Variants in RASAL2 observed in about 807,000 individuals in gnomAD.
RASAL2 encodes RAS protein activator like 2.
RASAL2 carries 58 observed loss-of-function variants against 128.9 expected under a neutral mutation model. The ratio of observed to expected loss-of-function variants is 0.45; its 90% CI spans 0.36 to 0.56. The LOEUF (loss-of-function observed/expected upper bound fraction) is 0.56, where lower values mean the gene tolerates loss of function less well. Among genes scored for constraint, RASAL2 ranks in the 20% least tolerant of loss-of-function variants. The pLI, the probability that RASAL2 is intolerant of heterozygous loss-of-function variation, is 0.00. For synonymous variants in RASAL2, 561 were observed against 580.8 expected, an observed-to-expected ratio of 0.97 and a Z score of 0.49; for missense variants, 1,360 against 1,601.6, an observed-to-expected ratio of 0.85 and a Z score of 2.57.
intron 1 of RASAL2, among the ~76,000 whole-genome samples, chr1:178,247,000 T>C (rs532110990): frequency 2.2e-4 from 33 of 152,356 alleles, no homozygotes; most frequent in Admixed American, 2.0e-3. Flanking sequence ...ACATCGATGT[T>C]CATCAGGGAT....
intron 1 of RASAL2, among the ~76,000 whole-genome samples, chr1:178,102,562 A>G (rs1421080767): frequency 6.6e-6 from 1 of 152,106 alleles, no homozygotes; most frequent in Non-Finnish European, 1.5e-5. Flanking sequence ...GTTTTATTCC[A>G]GTCTTTTTTG....
intron 1 of RASAL2, among the ~76,000 whole-genome samples, chr1:178,164,410 G>T (rs1013038837): frequency 2.0e-5 from 3 of 151,818 alleles, no homozygotes; most frequent in Admixed American, 6.6e-5. Context: ...AATGGAACAG[G>T]CCCAAAATCT....
intron 1 of RASAL2, among the ~76,000 whole-genome samples, chr1:178,167,101 A>G (rs1334908307): frequency 1.3e-5 from 2 of 152,134 alleles, no homozygotes; most frequent in African/African-American, 4.8e-5. Context: ...CTCCTGTAAC[A>G]AGATCTGGCA....
chr1:178,390,519 C>G (rs1034310129), intron 4 of RASAL2, among the ~76,000 whole-genome samples: 1 of 152,112 alleles, frequency 6.6e-6, no homozygotes, highest in Non-Finnish European at 1.5e-5. Context: ...GCTGGAATTA[C>G]AGGCGCATAC....
chr1:178,131,091 A>C (rs1332657425), intron 1 of RASAL2, among the ~76,000 whole-genome samples: 1 of 150,424 alleles, frequency 6.6e-6, no homozygotes. Context: ...AAACCAAAAA[A>C]AAACATGTGT....
intron 3 of RASAL2, among the ~76,000 whole-genome samples, chr1:178,365,007 T>C (rs2102492589): frequency 6.6e-6 from 1 of 152,294 alleles, no homozygotes; most frequent in South Asian, 2.1e-4. Flanking sequence ...GCCTTTAGCT[T>C]TGAATGGAAT....
At chr1:178,318,989 G>C (rs1668623447) in intron 3 of RASAL2, among the ~76,000 whole-genome samples, 1 of 151,986 alleles carries the variant, frequency 6.6e-6, no homozygotes, top group South Asian at 2.1e-4. Context: ...GGCAGACCTG[G>C]TGGTGACAAA....
intron 2 of RASAL2, among the ~76,000 whole-genome samples, chr1:178,287,828 G>A (rs556022197): frequency 7.2e-5 from 11 of 152,206 alleles, no homozygotes; most frequent in African/African-American, 2.6e-4. Flanking sequence ...GGGGACTCAG[G>A]GGAAAGGGTG....
intron 9 of RASAL2, among the ~76,000 whole-genome samples, chr1:178,449,916 C>A (rs1165446039): frequency 6.6e-6 from 1 of 151,874 alleles, no homozygotes; most frequent in Non-Finnish European, 1.5e-5. Flanking sequence ...ATACATATAA[C>A]CTAAAAGAAG....
chr1:178,180,462 A>G (rs996093206), intron 1 of RASAL2, among the ~76,000 whole-genome samples: 8 of 143,248 alleles, frequency 5.6e-5, no homozygotes, highest in African/African-American at 1.8e-4. Context: ...AGCCTGGGCA[A>G]CATGGTGAAA....
intron 1 of RASAL2, among the ~76,000 whole-genome samples, chr1:178,150,918 A>C (rs1266121144): frequency 6.6e-6 from 1 of 151,888 alleles, no homozygotes; most frequent in Admixed American, 6.6e-5. Flanking sequence ...GATTTTTTTC[A>C]CTTCTTTTGT....
intron 1 of RASAL2, among the ~76,000 whole-genome samples, chr1:178,203,877 T>C (rs936340649): frequency 2.0e-5 from 3 of 152,116 alleles, no homozygotes; most frequent in African/African-American, 4.8e-5. Context: ...TTAAGGTCAA[T>C]GGGAAACTAC....
chr1:178,165,491 T>G (rs1033077794), intron 1 of RASAL2, among the ~76,000 whole-genome samples: 1 of 152,182 alleles, frequency 6.6e-6, no homozygotes, highest in African/African-American at 2.4e-5. Flanking sequence ...TTCTATGCCA[T>G]TTTATGTCAG....
intron 3 of RASAL2, among the ~76,000 whole-genome samples, chr1:178,378,544 C>T (rs1425502242): frequency 1.3e-5 from 2 of 152,060 alleles, no homozygotes; most frequent in Non-Finnish European, 2.9e-5. Context: ...TAGACCAGGT[C>T]ATAAAACAAA....
At chr1:178,346,086 T>G (rs1670138270) in intron 3 of RASAL2, among the ~76,000 whole-genome samples, 2 of 151,724 alleles carry the variant, frequency 1.3e-5, no homozygotes. Context: ...ATTTAAGGAG[T>G]TTTTTTATTA....
intron 1 of RASAL2, among the ~76,000 whole-genome samples, chr1:178,106,118 C>T (rs1659078049): frequency 6.6e-6 from 1 of 152,154 alleles, no homozygotes; most frequent in African/African-American, 2.4e-5. Context: ...GAGGGATACA[C>T]TGACAAGGTG....
intron 3 of RASAL2, among the ~76,000 whole-genome samples, chr1:178,319,467 A>G (rs1333725048): frequency 1.3e-5 from 2 of 150,534 alleles, no homozygotes; most frequent in Admixed American, 1.3e-4. Flanking sequence ...ACATAGTCCC[A>G]TATTTCTTGG....
intron 3 of RASAL2, among the ~76,000 whole-genome samples, chr1:178,347,764 T>C (rs1670226709): frequency 6.6e-6 from 1 of 152,216 alleles, no homozygotes; most frequent in African/African-American, 2.4e-5. Flanking sequence ...CTCCTAAAGC[T>C]GAACAATGCT....
At chr1:178,161,218 G>A (rs778406853) in intron 1 of RASAL2, among the ~76,000 whole-genome samples, 2 of 151,792 alleles carry the variant, frequency 1.3e-5, no homozygotes, top group Admixed American at 6.6e-5. Context: ...AATCACTACC[G>A]TCTAGTTCCA....
Sources: allele counts gnomAD v4.1 joint callset (sites outside exome capture counted in the v4.1 genomes callset), GRCh38; gene constraint gnomAD v4.1.1; transcripts MANE v1.5; gene names NCBI Gene and HGNC (gene_info 2026-07-23, HGNC 2026-07-21).